CGGBP1: variants seen among roughly 807,000 people sequenced by gnomAD.
CGGBP1 encodes CGG triplet repeat binding protein 1.
CGGBP1 carries 4 observed loss-of-function variants against 11.4 expected under a neutral mutation model. The observed-to-expected ratio is 0.35, with a 90% CI of 0.17 to 0.80. The LOEUF is 0.80. CGGBP1 is among the 30% of genes least tolerant of loss of function. The pLI is 0.52. For synonymous variants in CGGBP1, 76 were observed against 74.1 expected (o/e 1.03, Z -0.13); for missense variants, 135 against 202.1 (o/e 0.67, Z 2.01).
chr3:88,065,856 C>T (rs915640385), intron 2 of CGGBP1, among the ~76,000 whole-genome samples: 1 of 152,072 alleles, frequency 6.6e-6, no homozygotes, highest in Admixed American at 6.5e-5. Context: ...CAGCCCCCAC[C>T]CCCAGTAGCT....
chr3:88,115,369 T>C (rs761820714), intron 2 of CGGBP1, among the ~76,000 whole-genome samples: 82 of 152,342 alleles, frequency 5.4e-4, no homozygotes, highest in Non-Finnish European at 5.9e-4. Flanking sequence ...CTGTACCAGT[T>C]TCTTTATTTG....
At chr3:88,059,070 T>G (rs1440933844), upstream of CGGBP1, 5 of 701,396 alleles carry the variant, frequency 7.1e-6, no homozygotes, top group Non-Finnish European at 1.1e-5. Flanking sequence ...GGCCGGTTTA[T>G]CAAACAGACT....
rs1371080426 is a variant in CGGBP1, at chr3:88,058,127, G to A, written c.-234C>T. ...CACTTTCCGTTTGTTCAACCCCGGA[G>A]ATGCCTTCAAATCAGTTTTTCAACA... is the stretch of plus-strand genomic sequence containing the variant. On this transcript the variant is annotated 5_prime_UTR_variant, in exon 2 of 4. Coordinates refer to ENST00000482016, the MANE Select transcript of CGGBP1 (RefSeq NM_001008390.2). 1 of 152,228 alleles carries A rather than the reference G, an allele frequency of 6.6e-6. No homozygotes were observed. The highest frequency in any genetic ancestry group is 6.5e-5 in the Admixed American group (1 of 15,276). The allele number at this position is 152,228 out of a possible 1,614,324, so 9.4% of individuals were successfully genotyped here.
rs773976003 is a variant in CGGBP1, at chr3:88,056,000, C to CGGATTAG, written c.-23-2_-23-1insCTAATCC. 1.3e-6 allele frequency: 2 copies of CGGATTAG among 1,566,480 alleles called. No individual in the cohort carries two copies. Among genetic ancestry groups the CGGATTAG allele is most frequent in the Non-Finnish European group, 8.6e-7 (1 of 1,157,340 alleles). On this transcript the variant is annotated splice_acceptor_variant, in intron 3 of 3. Coordinates refer to ENST00000482016, the MANE Select transcript of CGGBP1 (RefSeq NM_001008390.2). LOFTEE classifies it low-confidence loss of function (5UTR_SPLICE). The surrounding 1 kb of genome is among the most constrained non-coding windows in gnomAD (Gnocchi z 4.2). The stretch of plus-strand genomic sequence containing the variant: ...ATTCTGACTCTAAATAAATATGGTT[C>CGGATTAG]TTTCAAGACAAAAGAAACAAAGATG...
chr3:88,129,027 A>G (rs780099153), intron 2 of CGGBP1: 5 of 1,514,652 alleles, frequency 3.3e-6, no homozygotes, highest in South Asian at 1.2e-5. Context: ...GTTTGAGACT[A>G]TTTTTGCCTA....
chr3:88,145,117 G>A (rs1334220377), intron 1 of CGGBP1, among the ~76,000 whole-genome samples: 1 of 152,020 alleles, frequency 6.6e-6, no homozygotes, highest in Admixed American at 6.6e-5. Flanking sequence ...AAATGATGAT[G>A]AAAATTACTT....
rs78345907 is a variant in CGGBP1 at position 88,076,132 on chromosome 3, C to G, written c.-228-17909G>C. On this transcript the variant is annotated intron_variant, in intron 2 of 3. Transcript: ENST00000462901. Reference sequence around the variant, plus strand: ...GTAATCTCCCTGCTTTTTAATTTATCAAATCTGTACAGATTTTATATTACT... The same window carrying G: ...GTAATCTCCCTGCTTTTTAATTTATGAAATCTGTACAGATTTTATATTACT... Among the ~76,000 whole-genome samples the G allele has an allele frequency of 8.9e-4, 136 of 152,238 alleles. 2 individuals are homozygous for G. The East Asian group carries it at 0.025, about 28-fold the overall frequency.
At chr3:88,092,589 A>G (rs1703809154) in intron 2 of CGGBP1, among the ~76,000 whole-genome samples, 1 of 152,190 alleles carries the variant, frequency 6.6e-6, no homozygotes, top group Non-Finnish European at 1.5e-5. Flanking sequence ...CTGGATATTA[A>G]CAGATTTCAA....
intron 2 of CGGBP1, among the ~76,000 whole-genome samples, chr3:88,109,317 T>C (rs192183497): frequency 2.5e-3 from 386 of 152,254 alleles, no homozygotes; most frequent in African/African-American, 9.1e-3. Flanking sequence ...TAAGTAGGAC[T>C]GAATAGAAAT....
upstream of CGGBP1, chr3:88,059,086 T>G (rs577871702): frequency 5.1e-6 from 4 of 786,926 alleles, no homozygotes; most frequent in Non-Finnish European, 5.8e-6. Context: ...AGACTGTCGA[T>G]TTCACCAATA....
intron 2 of CGGBP1, among the ~76,000 whole-genome samples, chr3:88,131,611 G>A (rs1706469379): frequency 6.6e-6 from 1 of 151,970 alleles, no homozygotes; most frequent in Admixed American, 6.6e-5. Flanking sequence ...ATATTATAAT[G>A]CCTGTCTTCT....
intron 2 of CGGBP1, among the ~76,000 whole-genome samples, chr3:88,119,843 G>A (rs1161841928): frequency 1.3e-5 from 2 of 151,988 alleles, no homozygotes; most frequent in Non-Finnish European, 2.9e-5. Flanking sequence ...CCATTAGCAT[G>A]GCAACTACCA....
At chr3:88,126,565 TTAAG>T (rs990231610) in intron 2 of CGGBP1, among the ~76,000 whole-genome samples, 1 of 149,358 alleles carries the variant, frequency 6.7e-6, no homozygotes, top group African/African-American at 2.5e-5. Context: ...TAAAATTTGT[TTAAG>T]TAGAAACATC....
rs1005149288 is a variant in CGGBP1, at chr3:88,052,074, C to T, written c.*3399G>A. The stretch of plus-strand genomic sequence containing the variant: ...CAGAGACAAAACTTTAGAAGTGACA[C>T]ATTTATACTAAGCATACATGCGTGA... On this transcript the variant is annotated 3_prime_UTR_variant, in exon 4 of 4. Coordinates refer to ENST00000482016, the MANE Select transcript of CGGBP1 (RefSeq NM_001008390.2). 3 of 152,490 alleles carry T rather than the reference C, an allele frequency of 2.0e-5. No individual in the cohort carries two copies. Among genetic ancestry groups the T allele is most frequent in the Non-Finnish European group, 2.9e-5 (2 of 68,008 alleles). 9.4% of individuals were successfully genotyped at this position (152,490 alleles called of 1,614,324 possible). A position where few individuals can be genotyped will look rare whatever the true frequency, so the allele number is the denominator to read the frequency against.
intron 3 of CGGBP1, 37 bp downstream of exon 3, chr3:88,057,154 G>A (rs369381646): frequency 1.3e-5 from 2 of 152,188 alleles, no homozygotes; most frequent in Admixed American, 1.3e-4. Flanking sequence ...TCTCATAAGT[G>A]TAATCAGAAA....
At chr3:88,110,608 A>T (rs980257969) in intron 2 of CGGBP1, among the ~76,000 whole-genome samples, 3 of 152,090 alleles carry the variant, frequency 2.0e-5, no homozygotes, top group African/African-American at 7.2e-5. Flanking sequence ...CTTGCTGTAG[A>T]CTGTTACTCA....
At chr3:88,074,073 T>C (rs1307523176) in intron 2 of CGGBP1, among the ~76,000 whole-genome samples, 1 of 152,184 alleles carries the variant, frequency 6.6e-6, no homozygotes, top group East Asian at 1.9e-4. Flanking sequence ...TCCACAAAAA[T>C]AAGAATCTAC....
At chr3:88,087,744 T>C (rs1406103447) in intron 2 of CGGBP1, among the ~76,000 whole-genome samples, 1 of 152,206 alleles carries the variant, frequency 6.6e-6, no homozygotes, top group Non-Finnish European at 1.5e-5. Flanking sequence ...TATTATTATG[T>C]GAAACATTTA....
At chr3:88,126,023 A>G (rs1484767873) in intron 2 of CGGBP1, 2 of 1,165,830 alleles carry the variant, frequency 1.7e-6, no homozygotes, top group Non-Finnish European at 2.3e-6. Flanking sequence ...TTTCTCTTTT[A>G]TAATTTAATA....
Sources: allele counts gnomAD v4.1 joint callset (sites outside exome capture counted in the v4.1 genomes callset), GRCh38; gene constraint gnomAD v4.1.1; non-coding constraint Gnocchi (gnomAD v3.1); transcripts MANE v1.5; gene names NCBI Gene and HGNC (gene_info 2026-07-23, HGNC 2026-07-21).